DR1: variants seen among roughly 807,000 people sequenced by gnomAD.
DR1 encodes the protein protein Dr1.
DR1 carries 7 observed loss-of-function variants against 19.9 expected under a neutral mutation model. That is an observed-to-expected ratio of 0.35 (90% CI 0.20 to 0.66). The LOEUF is 0.66. DR1 is among the 30% of genes least tolerant of loss of function. The pLI, the probability that DR1 is intolerant of heterozygous loss-of-function variation, is 0.66. For synonymous variants in DR1, 76 were observed against 72.5 expected, an observed-to-expected ratio of 1.05 and a Z score of -0.24; for missense variants, 98 against 203.7, an observed-to-expected ratio of 0.48 and a Z score of 3.16.
chr1:93,346,459 ATC>A lies in DR1; in HGVS notation c.-182_-181del, dbSNP rs1207678806. ...CACTTTCTTCCCAAACTCATCCTAA[ATC>A]TCTCACACACGCGAGTGTTCCCAGC... On this transcript the variant is annotated 5_prime_UTR_variant, in exon 1 of 3. Coordinates refer to ENST00000370272, the MANE Select transcript of DR1 (RefSeq NM_001938.3). 2 of 600,076 alleles carry A rather than the reference ATC, an allele frequency of 3.3e-6. No homozygotes were observed. Among genetic ancestry groups the A allele is most frequent in the Non-Finnish European group, 5.9e-6 (2 of 338,922 alleles). 37.2% of individuals were successfully genotyped at this position (600,076 alleles called of 1,614,324 possible).
At position 93,363,305 on chromosome 1, in the gene DR1, A is replaced by T. The variant is rs956396394; in HGVS notation, c.*2666A>T. 3.9e-5 allele frequency: 6 copies of T among 152,082 alleles called. No individual in the cohort carries two copies. The highest frequency in any genetic ancestry group is 8.8e-5 in the Non-Finnish European group (6 of 68,024). The allele number at this position is 152,082 out of a possible 1,614,324, so 9.4% of individuals were successfully genotyped here. On this transcript the variant is annotated 3_prime_UTR_variant, in exon 3 of 3. Coordinates refer to ENST00000370272, the MANE Select transcript of DR1 (RefSeq NM_001938.3). ...ATACATAATACACTTTTTTTCATTC[A>T]TCATTTTTGTGAATATTTTAGTTTC... is the stretch of plus-strand genomic sequence containing the variant.
intron 2 of DR1, among the ~76,000 whole-genome samples, chr1:93,358,522 A>G (rs1667019852): frequency 6.6e-6 from 1 of 151,870 alleles, no homozygotes; most frequent in Non-Finnish European, 1.5e-5. Flanking sequence ...CCATCCCCCC[A>G]CTCTGGCAGT....
At position 93,361,330 on chromosome 1, in the gene DR1, A is replaced by T. The variant is rs935786211; in HGVS notation, c.*691A>T. 1 of 152,586 alleles carries T rather than the reference A, an allele frequency of 6.6e-6. No individual in the cohort carries two copies. The highest frequency in any genetic ancestry group is 6.5e-5 in the Admixed American group (1 of 15,286). 9.5% of individuals were successfully genotyped at this position (152,586 alleles called of 1,614,324 possible). Reference sequence around the variant, plus strand: ...TACAGCATAATTCATTTTGAGCTCCACTATGACATTTCAAAGACTGCCCAG... The same window carrying T: ...TACAGCATAATTCATTTTGAGCTCCTCTATGACATTTCAAAGACTGCCCAG... On this transcript the variant is annotated 3_prime_UTR_variant, in exon 3 of 3. Coordinates refer to ENST00000370272, the MANE Select transcript of DR1 (RefSeq NM_001938.3).
intron 1 of DR1, among the ~76,000 whole-genome samples, chr1:93,351,687 T>C (rs1666914849): frequency 6.6e-6 from 1 of 152,202 alleles, no homozygotes; most frequent in Non-Finnish European, 1.5e-5. Flanking sequence ...CCCCGTGCCT[T>C]GGCCTCCCAG....
intron 2 of DR1, 78 bp downstream of exon 2, chr1:93,354,149 C>T (rs1666949345): frequency 4.3e-6 from 6 of 1,406,018 alleles, no homozygotes; most frequent in Non-Finnish European, 5.8e-6. Flanking sequence ...AATTAACAGA[C>T]ATACCCAGAG....
Position 93,366,476 on chromosome 1 carries a change from C to T in DR1, c.*5837C>T, listed in dbSNP as rs1473877026. 1 of 152,014 alleles carries T rather than the reference C, an allele frequency of 6.6e-6. No individual in the cohort carries two copies. The highest frequency in any genetic ancestry group is 2.4e-5 in the African/African-American group (1 of 41,380). 9.4% of individuals were successfully genotyped at this position (152,014 alleles called of 1,614,324 possible). A position where few individuals can be genotyped will look rare whatever the true frequency, so the allele number is the denominator to read the frequency against. ...ATTCATATAAAGATAATTTATAATA[C>T]AATAAGTCCTCAATGTTGTTGATAG... is the stretch of plus-strand genomic sequence containing the variant. On this transcript the variant is annotated 3_prime_UTR_variant, in exon 3 of 3. Coordinates refer to ENST00000370272, the MANE Select transcript of DR1 (RefSeq NM_001938.3).
rs190732351 is a variant in DR1, at chr1:93,346,390, C to G, written c.-256C>G. 2.0e-6 allele frequency: 1 copy of G among 495,104 alleles called. No homozygotes were observed. Among genetic ancestry groups the G allele is most frequent in the African/African-American group, 1.9e-5 (1 of 51,702 alleles). 30.7% of individuals were successfully genotyped at this position (495,104 alleles called of 1,614,324 possible). On this transcript the variant is annotated 5_prime_UTR_variant, in exon 1 of 3. Transcript: ENST00000370272. ...AAATTTCCGGACCACCGCGCTTTCCCCTCCTCAGCCTGGGCTGTGCTCTCT... is the reference window on the plus strand; with the variant it reads ...AAATTTCCGGACCACCGCGCTTTCCGCTCCTCAGCCTGGGCTGTGCTCTCT...
rs66850500 is a variant in DR1 at position 93,352,891 on chromosome 1, AT to A, written c.221-996del. 8.3e-3 allele frequency among the ~76,000 whole-genome samples: 1,155 copies of A among 139,488 alleles called. 4 individuals carry two copies. Among genetic ancestry groups the A allele is most frequent in the Non-Finnish European group, 0.012 (751 of 65,100 alleles). 91.5% of individuals were successfully genotyped at this position (139,488 alleles called of 152,430 possible). A position where few individuals can be genotyped will look rare whatever the true frequency, so the allele number is the denominator to read the frequency against. On this transcript the variant is annotated intron_variant, in intron 1 of 2. Transcript: ENST00000370272. ...TACAGAAGGTATTTAGGGTGTGTGAATTTTTTTTTTTTTTTTTTTTTGAAAC... is the reference window on the plus strand; with the variant it reads ...TACAGAAGGTATTTAGGGTGTGTGAATTTTTTTTTTTTTTTTTTTTGAAAC...
chr1:93,349,805 C>T (rs1288598499), intron 1 of DR1, among the ~76,000 whole-genome samples: 1 of 152,014 alleles, frequency 6.6e-6, no homozygotes, highest in African/African-American at 2.4e-5. Flanking sequence ...GAGGGAAAGA[C>T]CAACACTCAA....
At chr1:93,351,436 CTT>C (rs397862048) in intron 1 of DR1, among the ~76,000 whole-genome samples, 9,794 of 103,160 alleles carry the variant, frequency 0.095, 179 homozygotes, top group Middle Eastern at 0.15. Flanking sequence ...GATTTTCTTT[CTT>C]TTTTTTTTTT....
chr1:93,348,834 G>A (rs144734185), intron 1 of DR1, among the ~76,000 whole-genome samples: 2 of 152,074 alleles, frequency 1.3e-5, no homozygotes, highest in East Asian at 1.9e-4. Flanking sequence ...CCTAGTTGGG[G>A]TTGTAGACTT....
At position 93,363,964 on chromosome 1, in the gene DR1, T is replaced by C. The variant is rs1489360683; in HGVS notation, c.*3325T>C. 3.3e-5 allele frequency: 5 copies of C among 152,242 alleles called. No homozygotes were observed. Among genetic ancestry groups the C allele is most frequent in the East Asian group, 1.9e-4 (1 of 5,208 alleles). The allele number at this position is 152,242 out of a possible 1,614,324, so 9.4% of individuals were successfully genotyped here. On this transcript the variant is annotated 3_prime_UTR_variant, in exon 3 of 3. Transcript: ENST00000370272. ...AATAGTACTGTGTAGAACATTCTTA[T>C]ACATGTCTTTTGGTGAGTGTATACA... is the stretch of plus-strand genomic sequence containing the variant.
At chr1:93,351,010 G>A (rs1370460317) in intron 1 of DR1, among the ~76,000 whole-genome samples, 1 of 152,120 alleles carries the variant, frequency 6.6e-6, no homozygotes, top group East Asian at 1.9e-4. Flanking sequence ...AGTATGTTGT[G>A]TACTGAACAA....
At position 93,353,881 on chromosome 1, in the gene DR1, C is replaced by T. The variant is rs775812581; in HGVS notation, c.221-27C>T. 7.0e-6 allele frequency: 11 copies of T among 1,569,848 alleles called. No homozygotes were observed. The Admixed American group carries it at 2.0e-4, about 29-fold the overall frequency. Reference sequence around the variant, plus strand: ...GGAAAGCTGTGTTTTATCACCCTTTCATATTTTAATATTTTCATTTCTCTA... The same window carrying T: ...GGAAAGCTGTGTTTTATCACCCTTTTATATTTTAATATTTTCATTTCTCTA... On this transcript the variant is annotated intron_variant, in intron 1 of 2. Coordinates refer to ENST00000370272, the MANE Select transcript of DR1 (RefSeq NM_001938.3).
chr1:93,356,299 C>T (rs1206426912), intron 2 of DR1, among the ~76,000 whole-genome samples: 1 of 150,690 alleles, frequency 6.6e-6, no homozygotes, highest in Admixed American at 6.6e-5. Flanking sequence ...TGGCTATTGA[C>T]AGGCTCGATC....
Position 93,360,511 on chromosome 1 carries a change from G to A in DR1, c.403G>A (p.Glu135Lys), listed in dbSNP as rs182894486. Residue 135 changes from glutamate to lysine, a missense_variant, in exon 3 of 3, where the codon GAA becomes AAA. Glu to Lys is a moderately conservative substitution (Grantham distance 56, BLOSUM62 1). Transcript: ENST00000370272. ...LFAKARQQQA[E>K]LAQQEWLQMQ... ...TGTTTAGGCTAGACAGCAACAAGCA[G>A]AATTGGCCCAACAGGAATGGCTTCA... The A allele has an allele frequency of 4.3e-4, 686 of 1,585,336 alleles. 2 individuals are homozygous for A. The highest frequency in any genetic ancestry group is 5.6e-4 in the Non-Finnish European group (652 of 1,171,636).
In DR1 at chr1:93,367,766, C is replaced by T. The variant is rs1463867726; in HGVS notation, c.*7127C>T. On this transcript the variant is annotated 3_prime_UTR_variant, in exon 3 of 3. Coordinates refer to ENST00000370272, the MANE Select transcript of DR1 (RefSeq NM_001938.3). The stretch of plus-strand genomic sequence containing the variant: ...TGGTGGCTTACGCCTGTAATCCCAG[C>T]ACTTTGGGAGGCCGAGGCGGGTGGA... 1.3e-5 allele frequency: 2 copies of T among 152,298 alleles called. No homozygotes were observed. Among genetic ancestry groups the T allele is most frequent in the Non-Finnish European group, 2.9e-5 (2 of 68,104 alleles). The allele number at this position is 152,298 out of a possible 1,614,324, so 9.4% of individuals were successfully genotyped here.
At chr1:93,351,953 A>T (rs1666917359) in intron 1 of DR1, among the ~76,000 whole-genome samples, 1 of 152,216 alleles carries the variant, frequency 6.6e-6, no homozygotes, top group South Asian at 2.1e-4. Context: ...CAGATGAGAA[A>T]TACATAGTCT....
At chr1:93,356,959 C>T (rs540225437) in intron 2 of DR1, among the ~76,000 whole-genome samples, 15 of 152,232 alleles carry the variant, frequency 9.9e-5, no homozygotes, top group African/African-American at 2.4e-4. Flanking sequence ...CAACCTCAGG[C>T]GATCCGCCCA....
Sources: gnomAD v4.1 joint callset for allele counts (sites outside exome capture counted in the v4.1 genomes callset) on GRCh38, gnomAD v4.1.1 for gene constraint, MANE v1.5 for transcripts, NCBI Gene and HGNC (gene_info 2026-07-23, HGNC 2026-07-21) for gene names.